MAEL: variants seen among roughly 807,000 people sequenced by gnomAD.
MAEL encodes the protein maelstrom spermatogenic transposon silencer, also known as protein maelstrom homolog.
MAEL carries 46 observed loss-of-function variants against 62.0 expected under a neutral mutation model. That is an observed-to-expected ratio of 0.74 (90% CI 0.59 to 0.95). MAEL has a LOEUF of 0.95. MAEL is among the 40% of genes least tolerant of loss of function. The probability of loss-of-function intolerance (pLI) is 0.00; values close to 1 mark genes in which losing one functional copy is unlikely to be tolerated. For synonymous variants in MAEL, 172 were observed against 175.5 expected, an observed-to-expected ratio of 0.98 and a Z score of 0.16; for missense variants, 497 against 526.8, an observed-to-expected ratio of 0.94 and a Z score of 0.55.
chr1:167,009,707 C>G (rs1412155458), intron 8 of MAEL, among the ~76,000 whole-genome samples: 1 of 151,730 alleles, frequency 6.6e-6, no homozygotes, highest in East Asian at 1.9e-4. Flanking sequence ...TCATTTTAAT[C>G]ACTTTTTCTG....
chr1:167,005,387 A>C lies in MAEL; in HGVS notation c.835A>C (p.Ser279Arg). Residue 279 changes from serine (S) to arginine (R), a missense_variant, in exon 8 of 12, where the codon AGC becomes CGC. Physicochemically the swap from Ser to Arg is moderately radical, Grantham distance 110. Coordinates refer to ENST00000367872, the MANE Select transcript of MAEL (RefSeq NM_032858.3). ...LLDVAMWDYS[S>R]NTRCKWHEEN... ...AGATGTGGCCATGTGGGATTATTCT[A>C]GCAACACAAGGTATTGCTAGCATTT... The C allele has an allele frequency of 3.7e-6, 6 of 1,607,880 alleles. No individual in the cohort carries two copies. Among genetic ancestry groups the C allele is most frequent in the Non-Finnish European group, 5.1e-6 (6 of 1,177,776 alleles).
rs76161896 is a variant in MAEL at position 167,004,291 on chromosome 1, C to G, written c.635C>G (p.Pro212Arg). ...FIHPNPGNWP[P>R]IYCKSDDRTR... ...CATCCCAACCCAGGGAACTGGCCAC[C>G]TATCTACTGCAAGGTAATTTCAGGT... The change falls in exon 6 of 12, where the codon CCT becomes CGT. Residue 212 changes from proline to arginine, a missense_variant. Coordinates refer to ENST00000367872, the MANE Select transcript of MAEL (RefSeq NM_032858.3). 8.1e-6 allele frequency: 13 copies of G among 1,598,156 alleles called. No individual in the cohort carries two copies. The highest frequency in any genetic ancestry group is 1.1e-5 in the Non-Finnish European group (13 of 1,173,946).
At chr1:166,976,051 C>T (rs1663569722) in intron 1 of MAEL, among the ~76,000 whole-genome samples, 1 of 152,138 alleles carries the variant, frequency 6.6e-6, no homozygotes, top group African/African-American at 2.4e-5. Context: ...CAAGAGGCTC[C>T]GCAGAATTGA....
chr1:166,992,932 A>T, intron 4 of MAEL, 91 bp downstream of exon 4: 1 of 1,073,642 alleles, frequency 9.3e-7, no homozygotes, highest in Non-Finnish European at 1.3e-6. Context: ...TTTTTCTTAC[A>T]AGCTCATGTA....
At chr1:167,020,364 T>G (rs1420619880) in intron 10 of MAEL, among the ~76,000 whole-genome samples, 1 of 152,012 alleles carries the variant, frequency 6.6e-6, no homozygotes, top group East Asian at 1.9e-4. Flanking sequence ...TCACCTACTC[T>G]CCTCCTATGC....
Position 167,004,259 on chromosome 1 carries a change from A to G in MAEL, c.603A>G (p.Arg201=). ...NQATVLQNLY[R]FIHPNPGNWP... is the part of the protein sequence containing the mutation. ...CAACTGTGTTACAAAACCTTTATAG[A>G]TTTATTCATCCCAACCCAGGGAACT... is the stretch of plus-strand genomic sequence containing the variant. Residue 201 remains arginine (R), a synonymous_variant, in exon 6 of 12, where the codon AGA becomes AGG. Coordinates refer to ENST00000367872, the MANE Select transcript of MAEL (RefSeq NM_032858.3). 3.1e-6 allele frequency: 5 copies of G among 1,609,652 alleles called. No homozygotes were observed. The highest frequency in any genetic ancestry group is 4.2e-6 in the Non-Finnish European group (5 of 1,178,064).
At chr1:166,988,078 A>C (rs1663981253), upstream of MAEL, among the ~76,000 whole-genome samples, 1 of 152,178 alleles carries the variant, frequency 6.6e-6, no homozygotes, top group Non-Finnish European at 1.5e-5. Context: ...GGCCAGGTTC[A>C]GTGGTTTACG....
upstream of MAEL, among the ~76,000 whole-genome samples, chr1:166,986,978 G>GTT (rs1367527861): frequency 7.0e-6 from 1 of 142,826 alleles, no homozygotes; most frequent in Non-Finnish European, 1.5e-5. Flanking sequence ...GTGTGTGTGT[G>GTT]TGTTTAAAAT....
intron 8 of MAEL, among the ~76,000 whole-genome samples, chr1:167,015,955 C>T (rs1665371650): frequency 6.6e-6 from 1 of 152,128 alleles, no homozygotes; most frequent in East Asian, 1.9e-4. Flanking sequence ...TGAATGAGTG[C>T]ATTTTGTCAC....
intron 8 of MAEL, among the ~76,000 whole-genome samples, chr1:167,008,463 C>T (rs1277431975): frequency 6.6e-6 from 1 of 151,938 alleles, no homozygotes; most frequent in East Asian, 1.9e-4. Flanking sequence ...TCATCTGTTT[C>T]AATGGTTATC....
intron 4 of MAEL, among the ~76,000 whole-genome samples, 160 bp downstream of exon 4, chr1:166,993,001 T>A (rs1664259802): frequency 6.6e-6 from 1 of 152,184 alleles, no homozygotes; most frequent in African/African-American, 2.4e-5. Flanking sequence ...TGTTAGGAAT[T>A]AGGTGTTGAC....
intron 8 of MAEL, 119 bp downstream of exon 8, chr1:167,005,516 T>C (rs1664854972): frequency 1.2e-6 from 1 of 830,968 alleles, no homozygotes. Context: ...GGAATCATTG[T>C]ATTTCCCTGA....
chr1:167,006,181 TATCTA>T (rs770009895), intron 8 of MAEL: 1 of 152,174 alleles, frequency 6.6e-6, no homozygotes, highest in Non-Finnish European at 1.5e-5. Flanking sequence ...ACAATACTAT[TATCTA>T]ATCCGAAGAC....
intron 5 of MAEL, among the ~76,000 whole-genome samples, chr1:166,998,266 C>G (rs1351294928): frequency 6.6e-6 from 1 of 152,046 alleles, no homozygotes; most frequent in African/African-American, 2.4e-5. Context: ...TGGGGCTTCC[C>G]TCTTATTTTT....
upstream of MAEL, among the ~76,000 whole-genome samples, chr1:166,985,936 C>G (rs1005751456): frequency 6.6e-6 from 1 of 151,872 alleles, no homozygotes; most frequent in Admixed American, 6.6e-5. Flanking sequence ...TGTTAAACAA[C>G]GTAAAGGAAG....
chr1:166,980,197 A>T (rs78149883), intron 1 of MAEL, among the ~76,000 whole-genome samples: 25 of 145,356 alleles, frequency 1.7e-4, no homozygotes, highest in African/African-American at 5.8e-4. Context: ...TTTAATTTGT[A>T]TTTTTTTTTT....
chr1:167,018,184 A>G (rs1246798741), intron 10 of MAEL, among the ~76,000 whole-genome samples: 1 of 152,222 alleles, frequency 6.6e-6, no homozygotes, highest in Non-Finnish European at 1.5e-5. Context: ...AAGTTTTAAG[A>G]AAGTTAAAAC....
In MAEL at chr1:166,992,747, T is replaced by C; in HGVS notation, c.387T>C (p.His129=). 6.2e-7 allele frequency: 1 copy of C among 1,611,556 alleles called. No homozygotes were observed. The highest frequency in any genetic ancestry group is 1.7e-5 in the Admixed American group (1 of 59,562). Residue 129 remains histidine, a synonymous_variant, in exon 4 of 12, where the codon CAT becomes CAC. Transcript: ENST00000367872. The part of the protein sequence containing the change: ...NIFSHGELPP[H]CEQRFLPCEI... ...TTAGCCATGGCGAGCTACCTCCTCATTGTGAACAGCGCTTCCTCCCTTGTG... is the reference window on the plus strand; with the variant it reads ...TTAGCCATGGCGAGCTACCTCCTCACTGTGAACAGCGCTTCCTCCCTTGTG...
At chr1:167,007,051 G>T (rs1453494890) in intron 8 of MAEL, among the ~76,000 whole-genome samples, 1 of 151,442 alleles carries the variant, frequency 6.6e-6, no homozygotes, top group African/African-American at 2.4e-5. Context: ...TTTTGCCTGA[G>T]TCAATTATTA....
Sources: gnomAD v4.1 joint callset for allele counts (sites outside exome capture counted in the v4.1 genomes callset) on GRCh38, gnomAD v4.1.1 for gene constraint, MANE v1.5 for transcripts, NCBI Gene and HGNC (gene_info 2026-07-23, HGNC 2026-07-21) for gene names.